EPHA7: variants seen among roughly 807,000 people sequenced by gnomAD.
EPHA7 encodes the protein EPH receptor A7.
Under a neutral mutation model 112.6 loss-of-function variants are expected in EPHA7, and 25 were observed. The observed-to-expected ratio is 0.22, with a 90% CI of 0.16 to 0.31. The LOEUF is 0.31. EPHA7 is among the 10% of genes least tolerant of loss of function. The pLI is 1.00. For missense variants in EPHA7, 962 were observed against 1,212.6 expected (o/e 0.79, Z 3.07); for synonymous variants, 437 against 406.5 (o/e 1.07, Z -0.90).
chr6:93,322,439 G>A (rs1266238577), intron 5 of EPHA7, among the ~76,000 whole-genome samples: 1 of 151,392 alleles, frequency 6.6e-6, no homozygotes, highest in African/African-American at 2.4e-5. Flanking sequence ...AAGCCCCCCA[G>A]GAAGGCCAAA....
chr6:93,243,228 T>C lies in EPHA7; in HGVS notation c.*198A>G, dbSNP rs1199555047. ...TCACTGCTATTTTCCTGGCCACCGATGGTGGATCCTAAATTCCCTTTTTAT... is the reference window on the plus strand; with the variant it reads ...TCACTGCTATTTTCCTGGCCACCGACGGTGGATCCTAAATTCCCTTTTTAT... On this transcript the variant is annotated 3_prime_UTR_variant, in exon 17 of 17. Transcript: ENST00000369303. The C allele has an allele frequency of 2.3e-6, 1 of 428,332 alleles. No individual in the cohort carries two copies. Among genetic ancestry groups the C allele is most frequent in the Non-Finnish European group, 4.1e-6 (1 of 241,314 alleles). 26.5% of individuals were successfully genotyped at this position (428,332 alleles called of 1,614,324 possible).
intron 3 of EPHA7, among the ~76,000 whole-genome samples, chr6:93,376,693 G>A (rs527423175): frequency 2.7e-4 from 41 of 152,048 alleles, no homozygotes; most frequent in African/African-American, 8.7e-4. Flanking sequence ...ACCCTGTAAC[G>A]GAAGCCCCAC....
chr6:93,414,621 T>A (rs1779134767), intron 2 of EPHA7, 82 bp downstream of exon 2: 1 of 995,776 alleles, frequency 1.0e-6, no homozygotes, highest in South Asian at 1.3e-5. Flanking sequence ...ACATGAAGAG[T>A]GTGAATAATT....
rs990509658 is a variant in EPHA7, at chr6:93,410,510, T to C, written c.823A>G (p.Thr275Ala). The C allele has an allele frequency of 2.5e-6, 4 of 1,611,970 alleles. No individual in the cohort carries two copies. Among genetic ancestry groups the C allele is most frequent in the East Asian group, 2.2e-5 (1 of 44,818 alleles). The change falls in exon 3 of 17, where the codon ACT becomes GCT. Residue 275 changes from threonine to alanine, a missense_variant. Transcript: ENST00000369303. The surrounding 1 kb of genome is among the most constrained non-coding windows in gnomAD (Gnocchi z 4.0). ...AGGACACATTACTTACGTTCACAAGTGTCTCCTTTTTGCTGGTAGCCTGCT... is the reference window on the plus strand; with the variant it reads ...AGGACACATTACTTACGTTCACAAGCGTCTCCTTTTTGCTGGTAGCCTGCT... ...CKAGYQQKGD[T>A]CEPCGRGFYK...
chr6:93,407,043 GA>G (rs1778755285), intron 3 of EPHA7, among the ~76,000 whole-genome samples: 1 of 151,914 alleles, frequency 6.6e-6, no homozygotes, highest in East Asian at 1.9e-4. Flanking sequence ...CTATGTTTAA[GA>G]ATTGGACAGA....
intron 14 of EPHA7, among the ~76,000 whole-genome samples, chr6:93,251,549 T>C (rs1367136746): frequency 1.5e-4 from 23 of 151,602 alleles, no homozygotes; most frequent in Admixed American, 1.5e-3. Context: ...TTTATTCTTT[T>C]TATGCTAGTA....
intron 5 of EPHA7, among the ~76,000 whole-genome samples, chr6:93,312,209 A>G (rs1469138528): frequency 3.3e-5 from 5 of 152,166 alleles, no homozygotes. Flanking sequence ...GAATCCAGAC[A>G]TTGACTTCTC....
At chr6:93,343,498 CT>C (rs1562110539) in intron 5 of EPHA7, among the ~76,000 whole-genome samples, 1 of 151,810 alleles carries the variant, frequency 6.6e-6, no homozygotes, top group East Asian at 1.9e-4. Context: ...AGAGAATTAT[CT>C]GTTTATAGTT....
intron 5 of EPHA7, among the ~76,000 whole-genome samples, chr6:93,283,048 T>C (rs1771847955): frequency 6.6e-6 from 1 of 152,174 alleles, no homozygotes. Context: ...CGGGATCCAT[T>C]GGGTGAAGCC....
At position 93,268,315 on chromosome 6, in the gene EPHA7, C is replaced by A. The variant is rs553487137; in HGVS notation, c.1633+1162G>T. 2.0e-5 allele frequency among the ~76,000 whole-genome samples: 3 copies of A among 151,620 alleles called. No homozygotes were observed. In the East Asian group the frequency reaches 5.8e-4, roughly 29 times the overall value. ...GTTACAGATTTATTTTAAAATGTAACAAAATATGTGGAAGAATAATACTGC... is the reference window on the plus strand; with the variant it reads ...GTTACAGATTTATTTTAAAATGTAAAAAAATATGTGGAAGAATAATACTGC... On this transcript the variant is annotated intron_variant, in intron 7 of 16. Transcript: ENST00000369303.
intron 5 of EPHA7, among the ~76,000 whole-genome samples, chr6:93,345,598 G>T (rs1430780746): frequency 6.6e-6 from 1 of 151,636 alleles, no homozygotes; most frequent in Non-Finnish European, 1.5e-5. Flanking sequence ...TTTTCCCAGG[G>T]TTCTTAATTG....
chr6:93,367,128 T>G (rs2127956072), intron 3 of EPHA7, among the ~76,000 whole-genome samples: 1 of 152,274 alleles, frequency 6.6e-6, no homozygotes, highest in Admixed American at 6.5e-5. Context: ...TTGTAGGAAC[T>G]TAAAAGTCTG....
chr6:93,383,794 C>A (rs1562143214), intron 3 of EPHA7, among the ~76,000 whole-genome samples: 1 of 152,104 alleles, frequency 6.6e-6, no homozygotes, highest in Non-Finnish European at 1.5e-5. Context: ...AACTCCTGGG[C>A]TCAAGCCATC....
intron 5 of EPHA7, among the ~76,000 whole-genome samples, chr6:93,308,477 G>A (rs374944760): frequency 5.9e-4 from 89 of 152,120 alleles, no homozygotes; most frequent in African/African-American, 2.1e-3. Context: ...ACTGGGAAAT[G>A]TTGGACCTAA....
intron 5 of EPHA7, among the ~76,000 whole-genome samples, chr6:93,331,138 A>G (rs1039631935): frequency 1.3e-5 from 2 of 151,490 alleles, no homozygotes; most frequent in African/African-American, 4.8e-5. Context: ...AAATGCAGTA[A>G]ATCTGTAAAA....
intron 5 of EPHA7, among the ~76,000 whole-genome samples, chr6:93,340,399 G>C (rs1011066010): frequency 6.6e-6 from 1 of 151,660 alleles, no homozygotes; most frequent in Non-Finnish European, 1.5e-5. Flanking sequence ...AAATATTATG[G>C]ATACAGGTTT....
chr6:93,244,008 C>T (rs775244008), intron 16 of EPHA7, among the ~76,000 whole-genome samples: 79 of 152,016 alleles, frequency 5.2e-4, no homozygotes, highest in Non-Finnish European at 1.0e-3. Context: ...ATTCAATTAA[C>T]GTGTGGTAAT....
chr6:93,291,756 A>T, intron 5 of EPHA7, among the ~76,000 whole-genome samples: 1 of 80,728 alleles, frequency 1.2e-5, no homozygotes, highest in African/African-American at 4.6e-5. Flanking sequence ...CGACAGAGCG[A>T]GACTCCGTCT....
intron 3 of EPHA7, among the ~76,000 whole-genome samples, chr6:93,380,980 T>A (rs1480998814): frequency 2.6e-5 from 4 of 152,198 alleles, no homozygotes; most frequent in Non-Finnish European, 5.9e-5. Flanking sequence ...AGACGGTGAC[T>A]GCCTTGTTTC....
Sources: gnomAD v4.1 joint callset for allele counts (sites outside exome capture counted in the v4.1 genomes callset) on GRCh38, gnomAD v4.1.1 for gene constraint, Gnocchi (gnomAD v3.1) non-coding constraint, MANE v1.5 for transcripts, NCBI Gene and HGNC (gene_info 2026-07-23, HGNC 2026-07-21) for gene names.